FSTL4: variants seen among roughly 807,000 people sequenced by gnomAD.
FSTL4 encodes the protein follistatin like 4.
FSTL4 carries 28 observed loss-of-function variants against 78.2 expected under a neutral mutation model. The ratio of observed to expected loss-of-function variants is 0.36; its 90% confidence interval spans 0.27 to 0.49. FSTL4 has a LOEUF of 0.49. Among genes scored for constraint, FSTL4 ranks in the 20% least tolerant of loss-of-function variants. The probability of loss-of-function intolerance (pLI) is 0.98; values close to 1 mark genes in which losing one functional copy is unlikely to be tolerated. For missense variants in FSTL4, 922 were observed against 1,084.9 expected (o/e 0.85, Z 2.11); for synonymous variants, 422 against 440.5 (o/e 0.96, Z 0.53).
At chr5:133,701,955 C>G in the FSTL4 span, among the ~76,000 whole-genome samples, 1 of 152,110 alleles carries the variant, frequency 6.6e-6, no homozygotes, top group Non-Finnish European at 1.5e-5. Flanking sequence ...TGTCCTGGCG[C>G]CCAGGAAATC....
the FSTL4 span, among the ~76,000 whole-genome samples, chr5:133,811,800 A>G: frequency 6.6e-6 from 1 of 152,140 alleles, no homozygotes; most frequent in Non-Finnish European, 1.5e-5. Context: ...GCAGTTGTAA[A>G]TGTCACATAG....
At chr5:133,782,112 G>A in the FSTL4 span, among the ~76,000 whole-genome samples, 3 of 152,176 alleles carry the variant, frequency 2.0e-5, no homozygotes, top group South Asian at 2.1e-4. Context: ...TATGAAAAAC[G>A]GGCTAAGGCC....
At chr5:133,506,781 T>C (rs1399116836) in intron 3 of FSTL4, among the ~76,000 whole-genome samples, 1 of 152,218 alleles carries the variant, frequency 6.6e-6, no homozygotes, top group Non-Finnish European at 1.5e-5. Flanking sequence ...GATCAGTGCC[T>C]GGCAAAAGTG....
rs1479863020 is a variant in FSTL4, at chr5:133,225,796, G to C, written c.1039C>G (p.Pro347Ala). Residue 347 changes from proline to alanine, a missense_variant, in exon 9 of 16, where the codon CCA becomes GCA. Physicochemically the swap from Pro to Ala is conservative, Grantham distance 27. Transcript: ENST00000265342. This position sits in a 1 kb window ranked among gnomAD's most constrained non-coding sequence, Gnocchi z 4.6. ...CCAGGCTCCTGTGCCTGGCTCTCTG[G>C]ATAGACACGGATGACTGGCGGCACT... ...VNVPPVIRVYPESQAQEPGVA... is the reference protein window; with the variant it reads ...VNVPPVIRVYAESQAQEPGVA... 6.3e-7 allele frequency: 1 copy of C among 1,592,372 alleles called. No homozygotes were observed. The highest frequency in any genetic ancestry group is 8.5e-7 in the Non-Finnish European group (1 of 1,169,968).
At chr5:133,452,044 T>G (rs559966760) in intron 3 of FSTL4, among the ~76,000 whole-genome samples, 12 of 152,314 alleles carry the variant, frequency 7.9e-5, no homozygotes, top group African/African-American at 2.6e-4. Flanking sequence ...CACACCTGGC[T>G]GGGGAGATAG....
Position 133,440,681 on chromosome 5 carries a change from T to G in FSTL4, c.161-39695A>C, listed in dbSNP as rs2127002746. On this transcript the variant is annotated intron_variant, in intron 3 of 15. Transcript: ENST00000265342. The surrounding 1 kb of genome is among the most constrained non-coding windows in gnomAD (Gnocchi z 4.1). The stretch of plus-strand genomic sequence containing the variant: ...GGCAGAACACAACCTCTGAGAGGCC[T>G]GGGAATGTCCAAGCAGGGGGAAGAG... 6.6e-6 allele frequency among the ~76,000 whole-genome samples: 1 copy of G among 152,170 alleles called. No individual in the cohort carries two copies. Among genetic ancestry groups the G allele is most frequent in the African/African-American group, 2.4e-5 (1 of 41,504 alleles).
At chr5:133,767,197 T>A in the FSTL4 span, among the ~76,000 whole-genome samples, 30 of 152,246 alleles carry the variant, frequency 2.0e-4, no homozygotes, top group Non-Finnish European at 3.7e-4. Flanking sequence ...CTCAGAGTTA[T>A]CCCACCCGAG....
chr5:133,405,826 C>T (rs909540207), intron 3 of FSTL4, among the ~76,000 whole-genome samples: 31 of 152,228 alleles, frequency 2.0e-4, no homozygotes, highest in Non-Finnish European at 5.9e-5. Context: ...GCTCCAGTCC[C>T]GTGCCATGTC....
At chr5:133,498,476 T>C (rs1758418068) in intron 3 of FSTL4, among the ~76,000 whole-genome samples, 1 of 152,164 alleles carries the variant, frequency 6.6e-6, no homozygotes, top group South Asian at 2.1e-4. Flanking sequence ...CCCAGCACTT[T>C]GGGAGGCTGA....
At chr5:133,779,564 C>T in the FSTL4 span, among the ~76,000 whole-genome samples, 5 of 151,938 alleles carry the variant, frequency 3.3e-5, no homozygotes, top group South Asian at 2.1e-4. Context: ...TCAGCGTGGG[C>T]GACAGAGCAA....
chr5:133,322,535 G>C (rs544363285), intron 4 of FSTL4, among the ~76,000 whole-genome samples: 25 of 152,300 alleles, frequency 1.6e-4, no homozygotes, highest in East Asian at 5.8e-4. Flanking sequence ...GCCAACAAAG[G>C]GTTCACTCAT....
At chr5:133,838,436 C>A in the FSTL4 span, among the ~76,000 whole-genome samples, 5 of 152,200 alleles carry the variant, frequency 3.3e-5, no homozygotes, top group Non-Finnish European at 7.3e-5. Context: ...TGGGGCCTCC[C>A]GTGAGTTTCC....
intron 4 of FSTL4, among the ~76,000 whole-genome samples, chr5:133,343,096 C>T (rs993272669): frequency 5.9e-5 from 9 of 152,142 alleles, no homozygotes; most frequent in African/African-American, 9.7e-5. Flanking sequence ...TCTTGTCGCA[C>T]GGGTGATTAT....
In FSTL4 at chr5:133,537,797, T is replaced by TAC. The variant is rs759757767; in HGVS notation, c.160+29387_160+29388dup. On this transcript the variant is annotated intron_variant, in intron 3 of 15. Transcript: ENST00000265342. ...TTTCTCTCTCACATATATATATATA[T>TAC]ACACACACACACACACACACAGAGA... Among the ~76,000 whole-genome samples, 382 of 148,536 alleles carry TAC rather than the reference T, an allele frequency of 2.6e-3. 5 individuals are homozygous for TAC. The highest frequency in any genetic ancestry group is 8.8e-3 in the South Asian group (41 of 4,674).
intron 6 of FSTL4, among the ~76,000 whole-genome samples, chr5:133,303,272 A>G (rs1034471980): frequency 2.6e-5 from 4 of 152,342 alleles, no homozygotes; most frequent in African/African-American, 9.6e-5. Context: ...TTTGGGGCTA[A>G]AGAGCTGCTC....
intron 3 of FSTL4, among the ~76,000 whole-genome samples, chr5:133,401,579 C>A (rs898073167): frequency 2.6e-5 from 4 of 152,178 alleles, no homozygotes; most frequent in African/African-American, 9.7e-5. Context: ...CAAAGATGAA[C>A]AAGTCATACC....
chr5:133,732,222 T>G, the FSTL4 span, among the ~76,000 whole-genome samples: 1 of 151,920 alleles, frequency 6.6e-6, no homozygotes. Context: ...TTTACTAGAG[T>G]GAGAAGAAGG....
chr5:133,725,264 T>C, the FSTL4 span, among the ~76,000 whole-genome samples: 12 of 152,198 alleles, frequency 7.9e-5, no homozygotes, highest in Admixed American at 1.3e-4. Flanking sequence ...AGGAATGTGG[T>C]AAGTTTCACT....
intron 2 of FSTL4, among the ~76,000 whole-genome samples, chr5:133,588,984 T>C (rs1362594806): frequency 1.7e-3 from 9 of 5,318 alleles, no homozygotes; most frequent in Admixed American, 0.013. Context: ...ATGTCCTTTG[T>C]AGGGACATGG....
Sources: gnomAD v4.1 joint callset for allele counts (sites outside exome capture counted in the v4.1 genomes callset) on GRCh38, gnomAD v4.1.1 for gene constraint, Gnocchi (gnomAD v3.1) non-coding constraint, MANE v1.5 for transcripts, NCBI Gene and HGNC (gene_info 2026-07-23, HGNC 2026-07-21) for gene names.